Variants in TMEM117 observed in about 807,000 individuals in gnomAD.
TMEM117 encodes the protein transmembrane protein 117.
A neutral mutation model predicts 52.4 loss-of-function variants in TMEM117; 27 were observed. That is an observed-to-expected ratio of 0.51 (90% CI 0.38 to 0.71). TMEM117 has a LOEUF of 0.71. Ranked by LOEUF, TMEM117 falls within the 30% of genes least tolerant of loss-of-function variation. TMEM117 has a pLI of 0.00. For missense variants in TMEM117, 556 were observed against 630.5 expected (o/e 0.88, Z 1.26); for synonymous variants, 215 against 206.3 (o/e 1.04, Z -0.36).
chr12:44,255,608 A>G (rs1458520890), intron 5 of TMEM117, among the ~76,000 whole-genome samples: 1 of 152,162 alleles, frequency 6.6e-6, no homozygotes, highest in East Asian at 1.9e-4. Context: ...AATATCCACA[A>G]TGTAAGCAGT....
intron 6 of TMEM117, among the ~76,000 whole-genome samples, chr12:44,326,186 TG>T (rs1315308860): frequency 2.6e-5 from 4 of 151,006 alleles, no homozygotes; most frequent in African/African-American, 9.9e-5. Context: ...TTTTTGTTTT[TG>T]TTTTTTGTTT....
chr12:44,089,984 G>C (rs1167431137), intron 3 of TMEM117, among the ~76,000 whole-genome samples: 2 of 152,068 alleles, frequency 1.3e-5, no homozygotes, highest in African/African-American at 4.8e-5. Context: ...ATTGTGATTA[G>C]CAATACTTAC....
At chr12:44,282,130 T>C (rs555649124) in intron 5 of TMEM117, among the ~76,000 whole-genome samples, 12 of 152,308 alleles carry the variant, frequency 7.9e-5, no homozygotes, top group African/African-American at 2.9e-4. Context: ...TGCCACCATG[T>C]AAGAAGTGCC....
chr12:43,953,336 A>G (rs1463489269), intron 3 of TMEM117, among the ~76,000 whole-genome samples: 2 of 152,184 alleles, frequency 1.3e-5, no homozygotes, highest in Non-Finnish European at 2.9e-5. Context: ...TAAATGCCCC[A>G]TTAAAAGACA....
intron 5 of TMEM117, among the ~76,000 whole-genome samples, chr12:44,275,193 A>G (rs982092023): frequency 3.9e-5 from 6 of 152,284 alleles, no homozygotes; most frequent in Admixed American, 3.9e-4. Flanking sequence ...AGGCAGATGA[A>G]AAGGTGCTAA....
intron 3 of TMEM117, among the ~76,000 whole-genome samples, chr12:44,102,365 G>A (rs1947876634): frequency 6.6e-6 from 1 of 151,924 alleles, no homozygotes; most frequent in African/African-American, 2.4e-5. Context: ...ACCCATGTAG[G>A]TATGAAGAGG....
At position 44,388,434 on chromosome 12, in the gene TMEM117, G is replaced by T; in HGVS notation, c.1307G>T (p.Arg436Ile). The T allele has an allele frequency of 1.2e-6, 2 of 1,613,386 alleles. No individual in the cohort carries two copies. Among genetic ancestry groups the T allele is most frequent in the Non-Finnish European group, 1.7e-6 (2 of 1,179,662 alleles). ...GACAAAACTTACACTCGCATGAAAAGAAAATCTCCATCAGAACATAGCAAA... is the reference window on the plus strand; with the variant it reads ...GACAAAACTTACACTCGCATGAAAATAAAATCTCCATCAGAACATAGCAAA... ...NQDKTYTRMK[R>I]KSPSEHSKDM... The change falls in exon 8 of 8, where the codon AGA (arginine) becomes ATA (isoleucine). Residue 436 changes from arginine to isoleucine, a missense_variant. Arg to Ile is a moderately conservative substitution (Grantham distance 97). Transcript: ENST00000266534.
chr12:43,984,821 GT>G (rs2088371268), intron 3 of TMEM117, among the ~76,000 whole-genome samples: 1 of 152,054 alleles, frequency 6.6e-6, no homozygotes, highest in Admixed American at 6.6e-5. Context: ...AAAATGGAAC[GT>G]TTGTTTTAAA....
At chr12:43,846,948 T>G (rs1943220179) in intron 2 of TMEM117, among the ~76,000 whole-genome samples, 1 of 152,210 alleles carries the variant, frequency 6.6e-6, no homozygotes, top group Non-Finnish European at 1.5e-5. Context: ...GATGTACATA[T>G]TTTATATCGT....
chr12:44,385,758 C>T (rs1345674096), intron 7 of TMEM117, among the ~76,000 whole-genome samples: 1 of 152,122 alleles, frequency 6.6e-6, no homozygotes, highest in Non-Finnish European at 1.5e-5. Flanking sequence ...GCCCCTCCTT[C>T]AACTTGCTTT....
At chr12:43,921,280 A>T (rs982844152) in intron 2 of TMEM117, among the ~76,000 whole-genome samples, 4 of 152,230 alleles carry the variant, frequency 2.6e-5, no homozygotes, top group Admixed American at 2.0e-4. Context: ...ACATGCATAT[A>T]CTCAAACAGA....
At chr12:44,334,525 A>C (rs1951314170) in intron 6 of TMEM117, among the ~76,000 whole-genome samples, 1 of 152,110 alleles carries the variant, frequency 6.6e-6, no homozygotes, top group Non-Finnish European at 1.5e-5. Flanking sequence ...AAGCTGAAGA[A>C]TGTGGTTGGT....
At chr12:43,914,789 G>A (rs1372965915) in intron 2 of TMEM117, among the ~76,000 whole-genome samples, 2 of 152,152 alleles carry the variant, frequency 1.3e-5, no homozygotes, top group South Asian at 2.1e-4. Context: ...ATCAAAGGGA[G>A]AGGAAGCTGA....
chr12:44,259,458 T>C (rs892041047), intron 5 of TMEM117, among the ~76,000 whole-genome samples: 8 of 152,134 alleles, frequency 5.3e-5, no homozygotes, highest in African/African-American at 1.7e-4. Flanking sequence ...CGCAAATACT[T>C]TTCTTTCTAT....
intron 3 of TMEM117, among the ~76,000 whole-genome samples, chr12:44,093,318 A>G (rs923413347): frequency 6.6e-6 from 1 of 152,130 alleles, no homozygotes; most frequent in African/African-American, 2.4e-5. Context: ...TGTTATTTCT[A>G]ATTGATACTG....
Position 44,035,305 on chromosome 12 carries a change from A to G in TMEM117, c.410+90963A>G, listed in dbSNP as rs544654790. Among the ~76,000 whole-genome samples, 11 of 152,360 alleles carry G rather than the reference A, an allele frequency of 7.2e-5. No homozygotes were observed. In the South Asian group the frequency reaches 1.0e-3, roughly 14 times the overall value. ...CTCGTTTTTCTCACCTGTGAAACAA[A>G]GGAATTGAGTAGATGACTGCTTATG... On this transcript the variant is annotated intron_variant, in intron 3 of 7. Transcript: ENST00000266534.
intron 2 of TMEM117, among the ~76,000 whole-genome samples, chr12:43,926,333 C>T (rs1944778332): frequency 6.6e-6 from 1 of 152,184 alleles, no homozygotes; most frequent in African/African-American, 2.4e-5. Context: ...ATTCAACACT[C>T]TTCTCCTCTC....
At chr12:44,311,737 ATGTATATATG>A (rs1184720959) in intron 6 of TMEM117, among the ~76,000 whole-genome samples, 1 of 140,226 alleles carries the variant, frequency 7.1e-6, no homozygotes, top group African/African-American at 2.8e-5. Context: ...GTATATATAT[ATGTATATATG>A]TGTATATATG....
chr12:44,287,785 A>C (rs1432008895), intron 5 of TMEM117, among the ~76,000 whole-genome samples: 6 of 152,140 alleles, frequency 3.9e-5, no homozygotes. Flanking sequence ...TTTCTATCTT[A>C]TATGTTACAT....
Sources: allele counts gnomAD v4.1 joint callset (sites outside exome capture counted in the v4.1 genomes callset), GRCh38; gene constraint gnomAD v4.1.1; transcripts MANE v1.5; gene names NCBI Gene and HGNC (gene_info 2026-07-23, HGNC 2026-07-21).